ZIM2: variants seen among roughly 807,000 people sequenced by gnomAD.
The protein encoded by ZIM2 is zinc finger imprinted 2.
Under a neutral mutation model 38.6 loss-of-function variants are expected in ZIM2, and 14 were observed. The observed-to-expected ratio is 0.36, with a 90% CI of 0.24 to 0.57. The LOEUF is 0.57. ZIM2 is among the 20% of genes least tolerant of loss of function. ZIM2 has a pLI of 0.81. For synonymous variants in ZIM2, 247 were observed against 245.8 expected (o/e 1.00, Z -0.04); for missense variants, 680 against 695.1 (o/e 0.98, Z 0.24).
intron 2 of ZIM2, chr19:56,833,084 T>TAATGAAAGAACAC: frequency 2.1e-6 from 1 of 487,624 alleles, no homozygotes; most frequent in Non-Finnish European, 4.1e-6. Flanking sequence ...GGGAAGAACT[T>TAATGAAAGAACAC]AATGAAAGAA....
At chr19:56,815,993 T>C (rs1385156509) in intron 9 of ZIM2, 1 of 1,587,652 alleles carries the variant, frequency 6.3e-7, no homozygotes, top group Non-Finnish European at 8.6e-7. Flanking sequence ...GCACGAACTC[T>C]CTGATGGTTG....
chr19:56,804,440 C>T (rs779157550), intron 9 of ZIM2, among the ~76,000 whole-genome samples: 5 of 152,210 alleles, frequency 3.3e-5, no homozygotes, highest in Admixed American at 6.5e-5. Context: ...CAAGATAGCA[C>T]CCACATGCTA....
At chr19:56,819,548 G>A (rs1049728705) in intron 7 of ZIM2, among the ~76,000 whole-genome samples, 3 of 152,178 alleles carry the variant, frequency 2.0e-5, no homozygotes, top group Non-Finnish European at 4.4e-5. Context: ...GAGGGAGATG[G>A]TGCTGTGGGA....
At chr19:56,817,162 C>A in intron 9 of ZIM2, 1 of 1,614,214 alleles carries the variant, frequency 6.2e-7, no homozygotes, top group Non-Finnish European at 8.5e-7. Flanking sequence ...GCTGCTCACG[C>A]TCATGGCTTT....
At chr19:56,817,352 G>A (rs1243900786) in intron 9 of ZIM2, 35 of 1,613,504 alleles carry the variant, frequency 2.2e-5, no homozygotes, top group Middle Eastern at 1.6e-4. Flanking sequence ...TCATAAACCC[G>A]CTGCTGGATC....
At chr19:56,815,855 T>C in intron 9 of ZIM2, 1 of 1,613,786 alleles carries the variant, frequency 6.2e-7, no homozygotes, top group Non-Finnish European at 8.5e-7. Flanking sequence ...GAGATATAAA[T>C]GGAGGATTCT....
Position 56,816,384 on chromosome 19 carries a change from G to C in ZIM2, c.490+1362C>G, listed in dbSNP as rs758237723. ...TGAAGGCATCCCGGCCATCTGTAAA[G>C]TCACAGAGCTTCTCCTTATTGTAAG... is the stretch of plus-strand genomic sequence containing the variant. On this transcript the variant is annotated intron_variant, in intron 9 of 12. Coordinates refer to ENST00000629319, the MANE Select transcript of ZIM2 (RefSeq NM_001387356.1). 3.0e-5 allele frequency: 48 copies of C among 1,614,040 alleles called. 1 individual carries two copies. The South Asian group carries it at 3.8e-4, about 13-fold the overall frequency.
chr19:56,790,556 A>C (rs2046877058), intron 9 of ZIM2, among the ~76,000 whole-genome samples: 1 of 152,198 alleles, frequency 6.6e-6, no homozygotes, highest in Non-Finnish European at 1.5e-5. Context: ...CAGATCAACT[A>C]TCACGGTATC....
chr19:56,807,816 A>G (rs2047832177), intron 9 of ZIM2, among the ~76,000 whole-genome samples: 1 of 152,166 alleles, frequency 6.6e-6, no homozygotes, highest in African/African-American at 2.4e-5. Context: ...AATTAAAAAG[A>G]AAACACATTT....
At chr19:56,826,101 C>T (rs902667979) in intron 3 of ZIM2, among the ~76,000 whole-genome samples, 2 of 152,178 alleles carry the variant, frequency 1.3e-5, no homozygotes, top group African/African-American at 4.8e-5. Flanking sequence ...TGAGAAACCA[C>T]GGAGAGCACA....
At chr19:56,779,779 G>A (rs2046228630) in intron 11 of ZIM2, among the ~76,000 whole-genome samples, 1 of 152,094 alleles carries the variant, frequency 6.6e-6, no homozygotes, top group African/African-American at 2.4e-5. Context: ...AGAGTGCCAA[G>A]GTTGAACAAC....
intron 9 of ZIM2, chr19:56,817,534 C>T: frequency 6.2e-7 from 1 of 1,602,284 alleles, no homozygotes; most frequent in South Asian, 1.1e-5. Flanking sequence ...TTCACAAATC[C>T]CCCGCCGGTG....
chr19:56,778,391 C>T lies in ZIM2; in HGVS notation c.835+986G>A, dbSNP rs145415058. On this transcript the variant is annotated intron_variant, in intron 12 of 12. Coordinates refer to ENST00000629319, the MANE Select transcript of ZIM2 (RefSeq NM_001387356.1). ...TTGGACATCCACTTTTCCACTCACACAGACAAACGTGGAGGAGGGCTGTGT... is the reference window on the plus strand; with the variant it reads ...TTGGACATCCACTTTTCCACTCACATAGACAAACGTGGAGGAGGGCTGTGT... 8.1e-4 allele frequency among the ~76,000 whole-genome samples: 124 copies of T among 152,288 alleles called. 1 individual carries two copies. Among genetic ancestry groups the T allele is most frequent in the African/African-American group, 2.8e-3 (118 of 41,568 alleles).
chr19:56,831,119 C>T (rs1037296743), intron 2 of ZIM2, among the ~76,000 whole-genome samples: 4 of 152,000 alleles, frequency 2.6e-5, no homozygotes, highest in Non-Finnish European at 5.9e-5. Context: ...TCAAGACAAC[C>T]CTGCATAAGG....
intron 7 of ZIM2, among the ~76,000 whole-genome samples, chr19:56,820,912 C>A (rs1024957994): frequency 6.6e-6 from 1 of 152,176 alleles, no homozygotes; most frequent in Non-Finnish European, 1.5e-5. Flanking sequence ...TGGCTTCTCC[C>A]TTCTTTGAGT....
intron 2 of ZIM2, among the ~76,000 whole-genome samples, chr19:56,830,326 A>G (rs2061458495): frequency 6.6e-6 from 1 of 152,262 alleles, no homozygotes; most frequent in Non-Finnish European, 1.5e-5. Context: ...ATCAGGGTAA[A>G]CTGTTACATA....
intron 9 of ZIM2, chr19:56,811,387 T>C (rs11666110): frequency 0.11 from 98,448 of 867,752 alleles, 6,089 homozygotes; most frequent in Admixed American, 0.16. Flanking sequence ...AAATATACTT[T>C]CGTGTCCTGC....
At chr19:56,776,654 A>G (rs73623062) in intron 12 of ZIM2, among the ~76,000 whole-genome samples, 1,565 of 152,258 alleles carry the variant, frequency 0.01, 26 homozygotes, top group African/African-American at 0.035. Flanking sequence ...TTAATTCAAT[A>G]TTTATTAAAT....
At chr19:56,795,031 T>C (rs913476829) in intron 9 of ZIM2, among the ~76,000 whole-genome samples, 6 of 152,292 alleles carry the variant, frequency 3.9e-5, no homozygotes, top group East Asian at 3.9e-4. Context: ...CTTCTTTACA[T>C]TGGGGTGTTT....
Sources: gnomAD v4.1 joint callset for allele counts (sites outside exome capture counted in the v4.1 genomes callset) on GRCh38, gnomAD v4.1.1 for gene constraint, MANE v1.5 for transcripts, NCBI Gene and HGNC (gene_info 2026-07-23, HGNC 2026-07-21) for gene names.